KIF9: variants seen among roughly 807,000 people sequenced by gnomAD.
KIF9 encodes kinesin family member 9.
A neutral mutation model predicts 94.8 loss-of-function variants in KIF9; 68 were observed. The observed-to-expected ratio is 0.72, with a 90% CI of 0.59 to 0.88. The LOEUF is 0.88. Among genes scored for constraint, KIF9 ranks in the 40% least tolerant of loss-of-function variants. The pLI is 0.00. For missense variants in KIF9, 882 were observed against 982.5 expected, an observed-to-expected ratio of 0.90 and a Z score of 1.37; for synonymous variants, 343 against 362.1, an observed-to-expected ratio of 0.95 and a Z score of 0.60.
intron 20 of KIF9, among the ~76,000 whole-genome samples, chr3:47,230,861 A>T (rs889334077): frequency 1.3e-5 from 2 of 151,956 alleles, no homozygotes; most frequent in African/African-American, 4.8e-5. Flanking sequence ...AACACGGTGA[A>T]ACCCTGTCTG....
At chr3:47,281,094 G>A in intron 1 of KIF9, 3 of 696,628 alleles carry the variant, frequency 4.3e-6, no homozygotes, top group Non-Finnish European at 7.9e-6. Flanking sequence ...GCAGAGCCCA[G>A]CACAGAGTAG....
intron 1 of KIF9, chr3:47,282,074 G>T: frequency 2.4e-6 from 1 of 415,098 alleles, no homozygotes; most frequent in Non-Finnish European, 3.2e-6. Context: ...CCGGACCCCC[G>T]CGTGGAGCCT....
chr3:47,267,130 C>A (rs2107452285), intron 6 of KIF9, 50 bp downstream of exon 6: 1 of 1,600,484 alleles, frequency 6.2e-7, no homozygotes, highest in Non-Finnish European at 8.6e-7. Context: ...TGAGCAGGCC[C>A]CGTGGGAATT....
At chr3:47,271,500 C>A (rs574351764) in intron 4 of KIF9, 39 bp from the exon 5 acceptor site, 1 of 1,490,978 alleles carries the variant, frequency 6.7e-7, no homozygotes, top group South Asian at 1.1e-5. Context: ...AAGAGCAGAA[C>A]CCCAACAGCC....
intron 1 of KIF9, among the ~76,000 whole-genome samples, chr3:47,278,879 G>C (rs1320079600): frequency 6.6e-6 from 1 of 152,186 alleles, no homozygotes; most frequent in Non-Finnish European, 1.5e-5. Context: ...GGCTGAGGCA[G>C]GAGAATCGCT....
At chr3:47,230,210 C>T (rs1471645526) in intron 20 of KIF9, among the ~76,000 whole-genome samples, 1 of 148,270 alleles carries the variant, frequency 6.7e-6, no homozygotes, top group Admixed American at 6.9e-5. Flanking sequence ...CCCAGGATAT[C>T]AAGACTGCAG....
chr3:47,282,143 T>C, intron 1 of KIF9: 2 of 972,538 alleles, frequency 2.1e-6, no homozygotes, highest in Non-Finnish European at 2.4e-6. Flanking sequence ...TCCTCACCTG[T>C]AACACGAAGG....
chr3:47,268,119 C>T (rs1701405978), intron 5 of KIF9, among the ~76,000 whole-genome samples: 1 of 152,038 alleles, frequency 6.6e-6, no homozygotes, highest in Non-Finnish European at 1.5e-5. Context: ...GATCTGCCCG[C>T]CTCGGCCTGC....
chr3:47,237,817 G>C (rs1275334096), intron 17 of KIF9, among the ~76,000 whole-genome samples: 2 of 152,244 alleles, frequency 1.3e-5, no homozygotes, highest in Admixed American at 6.5e-5. Flanking sequence ...TAGACTCTGG[G>C]ATCTGGGATC....
intron 20 of KIF9, among the ~76,000 whole-genome samples, chr3:47,234,631 T>C (rs961233734): frequency 6.7e-6 from 1 of 149,470 alleles, no homozygotes; most frequent in African/African-American, 2.6e-5. Context: ...CTTGGCTCAC[T>C]GCAACCTCTA....
chr3:47,265,857 C>T lies in KIF9; in HGVS notation c.789G>A (p.Lys263=), dbSNP rs1315503353. ...GCGATTTGTTGATGTAGGTGGCTTC[C>T]TTCAGGACTTGGCCCTCAGACTACA... is the stretch of plus-strand genomic sequence containing the variant. ...GKSGSEGQVL[K]EATYINKSLS... Residue 263 remains lysine (K), a synonymous_variant, in exon 8 of 21, where the codon AAG becomes AAA. Coordinates refer to ENST00000684063, the MANE Select transcript of KIF9 (RefSeq NM_182902.4). 1.6e-5 allele frequency: 26 copies of T among 1,614,028 alleles called. No individual in the cohort carries two copies. Among genetic ancestry groups the T allele is most frequent in the Middle Eastern group, 3.3e-4 (2 of 6,084 alleles).
At chr3:47,256,176 C>T (rs1307756638) in intron 10 of KIF9, among the ~76,000 whole-genome samples, 2 of 152,210 alleles carry the variant, frequency 1.3e-5, no homozygotes, top group Non-Finnish European at 2.9e-5. Context: ...TCTGCTTGGC[C>T]GCCACCCCGT....
intron 1 of KIF9, among the ~76,000 whole-genome samples, chr3:47,277,636 A>G (rs1702064222): frequency 6.6e-6 from 1 of 152,252 alleles, no homozygotes; most frequent in Admixed American, 6.5e-5. Context: ...AGACTGAAAT[A>G]CAAAGTGAAA....
chr3:47,281,314 C>A, intron 1 of KIF9: 1 of 394,030 alleles, frequency 2.5e-6, no homozygotes, highest in Non-Finnish European at 4.6e-6. Context: ...CATCCAGCAC[C>A]TCACCACACG....
chr3:47,280,667 G>A (rs1702271444), intron 1 of KIF9, among the ~76,000 whole-genome samples: 1 of 152,220 alleles, frequency 6.6e-6, no homozygotes, highest in Admixed American at 6.5e-5. Context: ...CTGGACAACA[G>A]CGTGAGACTG....
At chr3:47,252,881 C>A (rs1355461830) in intron 10 of KIF9, among the ~76,000 whole-genome samples, 1 of 151,804 alleles carries the variant, frequency 6.6e-6, no homozygotes, top group East Asian at 1.9e-4. Flanking sequence ...GGGGTGGTGG[C>A]AGGTGCCTGT....
At chr3:47,229,138 G>A (rs1698368442) in intron 20 of KIF9, among the ~76,000 whole-genome samples, 1 of 152,204 alleles carries the variant, frequency 6.6e-6, no homozygotes, top group South Asian at 2.1e-4. Context: ...TTAGAAAGCA[G>A]GTGAAAACTG....
At chr3:47,264,070 C>CT in intron 9 of KIF9, 1 of 570,774 alleles carries the variant, frequency 1.8e-6, no homozygotes, top group South Asian at 1.7e-5. Flanking sequence ...AGCCTGCCTG[C>CT]TGGCTGGCCC....
chr3:47,241,928 G>C (rs1437505701), intron 16 of KIF9, among the ~76,000 whole-genome samples: 1 of 144,028 alleles, frequency 6.9e-6, no homozygotes, highest in African/African-American at 2.7e-5. Context: ...CTGTTGCCCA[G>C]GATGGAGTTC....
Sources: gnomAD v4.1 joint callset for allele counts (sites outside exome capture counted in the v4.1 genomes callset) on GRCh38, gnomAD v4.1.1 for gene constraint, MANE v1.5 for transcripts, NCBI Gene and HGNC (gene_info 2026-07-23, HGNC 2026-07-21) for gene names.